Variants in SCAND3 observed in about 807,000 individuals in gnomAD.
SCAND3 encodes SCAN domain containing 3.
At chr6:28,591,692 A>G in the SCAND3 span, 1 of 152,166 alleles carries the variant, frequency 6.6e-6, no homozygotes, top group Admixed American at 6.5e-5. Context: ...ATCTGAGTTT[A>G]TTTAATTTCT....
At chr6:28,603,534 C>T in the SCAND3 span, among the ~76,000 whole-genome samples, 2 of 152,042 alleles carry the variant, frequency 1.3e-5, no homozygotes, top group Non-Finnish European at 2.9e-5. Flanking sequence ...TTCTCTTTAA[C>T]GTGCTTGTGA....
chr6:28,604,388 G>A, the SCAND3 span, among the ~76,000 whole-genome samples: 2 of 151,824 alleles, frequency 1.3e-5, no homozygotes, highest in Admixed American at 6.6e-5. Context: ...AGGCTGAGGC[G>A]GGTGGATTAC....
At chr6:28,593,279 T>C in the SCAND3 span, among the ~76,000 whole-genome samples, 1 of 151,698 alleles carries the variant, frequency 6.6e-6, no homozygotes, top group African/African-American at 2.4e-5. Context: ...AAAGAAGATA[T>C]ACAAATGGCA....
chr6:28,574,917 G>T, the SCAND3 span: 1 of 1,613,702 alleles, frequency 6.2e-7, no homozygotes, highest in Non-Finnish European at 8.5e-7. Flanking sequence ...ATCTTAGTCT[G>T]CTCTCAGGAG....
chr6:28,580,788 T>G, the SCAND3 span, among the ~76,000 whole-genome samples: 1 of 113,084 alleles, frequency 8.8e-6, no homozygotes, highest in Non-Finnish European at 1.9e-5. Flanking sequence ...TCACTGACTC[T>G]CCCCCACCCC....
the SCAND3 span, chr6:28,575,294 T>A: frequency 2.5e-6 from 4 of 1,614,020 alleles, no homozygotes; most frequent in African/African-American, 1.3e-5. This position sits in a 1 kb window ranked among gnomAD's most constrained non-coding sequence, Gnocchi z 4.2. Context: ...TCTGCAGAAC[T>A]CTGGCTTTGG....
the SCAND3 span, among the ~76,000 whole-genome samples, chr6:28,610,007 T>C: frequency 6.6e-6 from 1 of 152,020 alleles, no homozygotes; most frequent in Non-Finnish European, 1.5e-5. Context: ...GGCTGATCAC[T>C]TGAGTTTGGG....
chr6:28,590,435 T>C, the SCAND3 span: 1 of 147,092 alleles, frequency 6.8e-6, no homozygotes, highest in Non-Finnish European at 1.5e-5. Context: ...GAATTGGAGA[T>C]AGAGTTGATG....
At chr6:28,600,489 C>T in the SCAND3 span, among the ~76,000 whole-genome samples, 3 of 151,924 alleles carry the variant, frequency 2.0e-5, no homozygotes, top group Admixed American at 6.6e-5. Context: ...AAAAATTAGG[C>T]GGGCATGGTG....
At chr6:28,611,630 TC>T in the SCAND3 span, among the ~76,000 whole-genome samples, 2 of 152,178 alleles carry the variant, frequency 1.3e-5, no homozygotes, top group Non-Finnish European at 2.9e-5. Flanking sequence ...ACATACTTCT[TC>T]CCCACAACTT....
chr6:28,612,278 T>C, the SCAND3 span, among the ~76,000 whole-genome samples: 1 of 152,148 alleles, frequency 6.6e-6, no homozygotes, highest in Middle Eastern at 3.2e-3. Flanking sequence ...GAGCTCGTGA[T>C]CTGCCTGCCT....
the SCAND3 span, chr6:28,571,815 T>C: frequency 6.8e-7 from 1 of 1,464,678 alleles, no homozygotes; most frequent in Non-Finnish European, 9.1e-7. Context: ...TAACTGTAAC[T>C]AGACAGAAAG....
the SCAND3 span, among the ~76,000 whole-genome samples, chr6:28,615,062 A>G: frequency 6.6e-6 from 1 of 152,310 alleles, no homozygotes; most frequent in South Asian, 2.1e-4. Context: ...AGATAAGGAA[A>G]ACAAAGTGCA....
At chr6:28,572,334 C>G in the SCAND3 span, 1 of 1,601,408 alleles carries the variant, frequency 6.2e-7, no homozygotes, top group Non-Finnish European at 8.5e-7. This position sits in a 1 kb window ranked among gnomAD's most constrained non-coding sequence, Gnocchi z 4.1. Context: ...AACATTCTAA[C>G]AAATTTGTAA....
the SCAND3 span, chr6:28,573,605 A>C: frequency 3.7e-6 from 6 of 1,613,296 alleles, no homozygotes; most frequent in Non-Finnish European, 5.1e-6. Flanking sequence ...ACATCTCCAC[A>C]AATAATACAC....
chr6:28,584,358 C>A, the SCAND3 span, among the ~76,000 whole-genome samples: 1 of 147,040 alleles, frequency 6.8e-6, no homozygotes, highest in East Asian at 2.0e-4. Context: ...TTTTCTCTTG[C>A]AATGTTTTAT....
At chr6:28,583,643 A>G in the SCAND3 span, among the ~76,000 whole-genome samples, 3 of 152,206 alleles carry the variant, frequency 2.0e-5, no homozygotes, top group African/African-American at 2.4e-5. Context: ...TATGGGTCCA[A>G]TTAGGGCTTT....
the SCAND3 span, chr6:28,586,598 T>C: frequency 6.2e-7 from 1 of 1,614,190 alleles, no homozygotes; most frequent in Non-Finnish European, 8.5e-7. The surrounding 1 kb of genome is among the most constrained non-coding windows in gnomAD (Gnocchi z 4.4). Flanking sequence ...AATTCCTACG[T>C]AGGGCTGATT....
the SCAND3 span, among the ~76,000 whole-genome samples, chr6:28,611,659 A>T: frequency 8.5e-5 from 13 of 152,202 alleles, no homozygotes; most frequent in African/African-American, 3.1e-4. Context: ...CCCAGTGAAA[A>T]GTCAGTGTAC....
Sources: gnomAD v4.1 joint callset for allele counts (sites outside exome capture counted in the v4.1 genomes callset) on GRCh38, gnomAD v4.1.1 for gene constraint, Gnocchi (gnomAD v3.1) non-coding constraint, MANE v1.5 for transcripts, NCBI Gene and HGNC (gene_info 2026-07-23, HGNC 2026-07-21) for gene names.